The following DIPK1A variants were observed in gnomAD, a reference collection of about 807,000 sequenced individuals.
DIPK1A encodes the protein family with sequence similarity 69 member A.
DIPK1A carries 27 observed loss-of-function variants against 40.8 expected under a neutral mutation model. The observed-to-expected ratio is 0.66, with a 90% confidence interval of 0.49 to 0.91. The LOEUF (loss-of-function observed/expected upper bound fraction) is 0.91, where lower values mean the gene tolerates loss of function less well. DIPK1A is among the 40% of genes least tolerant of loss of function. DIPK1A has a pLI of 0.00. For synonymous variants in DIPK1A, 166 were observed against 171.3 expected (o/e 0.97, Z 0.24); for missense variants, 412 against 505.7 (o/e 0.81, Z 1.78).
chr1:92,932,149 T>C (rs113867809), intron 1 of DIPK1A: 5,104 of 212,506 alleles, frequency 0.024, 211 homozygotes, highest in African/African-American at 0.1. Context: ...TTTTAAATAT[T>C]ATCCAACTAG....
chr1:92,896,591 A>G (rs1034819184), intron 1 of DIPK1A, among the ~76,000 whole-genome samples: 3 of 148,802 alleles, frequency 2.0e-5, no homozygotes, highest in African/African-American at 4.9e-5. Context: ...GGACATAGGC[A>G]TGGGCAAGGA....
At chr1:92,960,946 C>G (rs1652052824) in intron 1 of DIPK1A, among the ~76,000 whole-genome samples, 1 of 152,250 alleles carries the variant, frequency 6.6e-6, no homozygotes, top group African/African-American at 2.4e-5. Flanking sequence ...GACACTGAGT[C>G]AAGGGCAACC....
In DIPK1A at chr1:92,850,841, G is replaced by C; in HGVS notation, c.297+7C>G. 6.7e-7 allele frequency: 1 copy of C among 1,502,206 alleles called. No individual in the cohort carries two copies. The highest frequency in any genetic ancestry group is 9.1e-7 in the Non-Finnish European group (1 of 1,100,842). 93.1% of individuals were successfully genotyped at this position (1,502,206 alleles called of 1,614,324 possible). ...AATTCTGGAATGTTTATTCATAATG[G>C]CCATACCTGATTGTTGGGCTTGGTG... On this transcript the variant is annotated splice_region_variant and intron_variant, in intron 3 of 4. Coordinates refer to ENST00000370310, the MANE Select transcript of DIPK1A (RefSeq NM_001006605.5).
chr1:92,839,677 ATCT>A (rs1335020208), downstream of DIPK1A, among the ~76,000 whole-genome samples: 1 of 152,226 alleles, frequency 6.6e-6, no homozygotes, highest in Non-Finnish European at 1.5e-5. Context: ...TCATCTTAAT[ATCT>A]TAATACTTTT....
At chr1:92,895,861 C>T (rs1341553435) in intron 1 of DIPK1A, among the ~76,000 whole-genome samples, 1 of 152,042 alleles carries the variant, frequency 6.6e-6, no homozygotes, top group African/African-American at 2.4e-5. Context: ...ACACCAATAA[C>T]AGACAAACAG....
chr1:92,881,678 C>T (rs1369347873), intron 1 of DIPK1A, among the ~76,000 whole-genome samples: 7 of 151,942 alleles, frequency 4.6e-5, no homozygotes, highest in African/African-American at 1.7e-4. Context: ...AGCAATAGCT[C>T]GTGATATATT....
chr1:92,836,848 T>G (rs1167015217), intron 4 of DIPK1A: 2 of 206,190 alleles, frequency 9.7e-6, no homozygotes, highest in South Asian at 7.6e-5. Context: ...TAGGCCATTT[T>G]GGGAAGTTAA....
intron 1 of DIPK1A, among the ~76,000 whole-genome samples, chr1:92,888,695 ATTTT>A (rs1353639839): frequency 6.6e-6 from 1 of 151,996 alleles, no homozygotes; most frequent in Non-Finnish European, 1.5e-5. Flanking sequence ...ACCATCATTT[ATTTT>A]TTGTCTTTTT....
chr1:92,876,312 T>G lies in DIPK1A; in HGVS notation c.173A>C (p.Asp58Ala). The G allele has an allele frequency of 6.4e-7, 1 of 1,567,900 alleles. No homozygotes were observed. The highest frequency in any genetic ancestry group is 8.7e-7 in the Non-Finnish European group (1 of 1,153,402). The change falls in exon 2 of 5, where the codon GAC becomes GCC. Residue 58 changes from aspartate to alanine, a missense_variant. Physicochemically the swap from Asp to Ala is moderately radical, Grantham distance 126. Transcript: ENST00000370310. ...STYTELCRGK[D>A]CKKIICDKYK... Reference sequence around the variant, plus strand: ...AATACTTACTATTATTTTCTTACAGTCCTTTCCTCTGCATAATTCTGTATA... The same window carrying G: ...AATACTTACTATTATTTTCTTACAGGCCTTTCCTCTGCATAATTCTGTATA...
chr1:92,917,226 G>T (rs925170060), intron 1 of DIPK1A, among the ~76,000 whole-genome samples: 13 of 152,100 alleles, frequency 8.5e-5, no homozygotes, highest in African/African-American at 3.1e-4. Context: ...TCTAGACAAG[G>T]CTATATATAG....
chr1:92,868,623 A>C (rs1647679415), intron 2 of DIPK1A, among the ~76,000 whole-genome samples: 1 of 152,012 alleles, frequency 6.6e-6, no homozygotes, highest in African/African-American at 2.4e-5. Flanking sequence ...TCAGTACCTT[A>C]TTTATTTACT....
chr1:92,949,523 C>T (rs1651543781), intron 1 of DIPK1A, among the ~76,000 whole-genome samples: 1 of 152,068 alleles, frequency 6.6e-6, no homozygotes, highest in African/African-American at 2.4e-5. Flanking sequence ...GTGATCTACC[C>T]ACCTCGGCCT....
At chr1:92,869,718 T>C (rs933746156) in intron 2 of DIPK1A, among the ~76,000 whole-genome samples, 2 of 151,002 alleles carry the variant, frequency 1.3e-5, no homozygotes, top group African/African-American at 2.4e-5. Flanking sequence ...TTACTAAGCA[T>C]GACTTTAAGA....
intron 1 of DIPK1A, among the ~76,000 whole-genome samples, chr1:92,892,826 A>C (rs990432181): frequency 2.6e-5 from 4 of 152,118 alleles, no homozygotes; most frequent in Non-Finnish European, 4.4e-5. Flanking sequence ...GGAGCTAAAA[A>C]ACCACAGCAC....
chr1:92,891,759 C>T (rs932230537), intron 1 of DIPK1A, among the ~76,000 whole-genome samples: 6 of 152,138 alleles, frequency 3.9e-5, no homozygotes, highest in Non-Finnish European at 7.4e-5. Flanking sequence ...CCTTTCCTAG[C>T]CAAGGAAAGG....
At chr1:92,924,151 CTTAT>C (rs1466920943) in intron 1 of DIPK1A, among the ~76,000 whole-genome samples, 4 of 151,980 alleles carry the variant, frequency 2.6e-5, no homozygotes, top group Non-Finnish European at 5.9e-5. Context: ...GTTTTTAAAT[CTTAT>C]TTAAGTAAAA....
At chr1:92,936,102 GAAC>G (rs1344965208) in intron 1 of DIPK1A, among the ~76,000 whole-genome samples, 1 of 151,394 alleles carries the variant, frequency 6.6e-6, no homozygotes, top group Non-Finnish European at 1.5e-5. Context: ...AAAAACAAAA[GAAC>G]AACAATAAGA....
chr1:92,907,696 C>A (rs1435413816), intron 1 of DIPK1A, among the ~76,000 whole-genome samples: 1 of 152,080 alleles, frequency 6.6e-6, no homozygotes, highest in Admixed American at 6.5e-5. Context: ...CCTGCCTCAG[C>A]CTCCCAAAGT....
chr1:92,916,057 A>G (rs1272014556), intron 1 of DIPK1A, among the ~76,000 whole-genome samples: 2 of 152,172 alleles, frequency 1.3e-5, no homozygotes, highest in Non-Finnish European at 2.9e-5. Flanking sequence ...AAATGTCTAG[A>G]ACAGGCAAAT....
Sources: gnomAD v4.1 joint callset for allele counts (sites outside exome capture counted in the v4.1 genomes callset) on GRCh38, gnomAD v4.1.1 for gene constraint, MANE v1.5 for transcripts, NCBI Gene and HGNC (gene_info 2026-07-23, HGNC 2026-07-21) for gene names.